The following BEGAIN variants were observed in gnomAD, a reference collection of about 807,000 sequenced individuals.
BEGAIN encodes brain-enriched guanylate kinase-associated protein.
In BEGAIN, 19 loss-of-function variants were observed where a neutral mutation model predicts 35.8. That is an observed-to-expected ratio of 0.53 (90% CI 0.37 to 0.78). BEGAIN has a LOEUF of 0.78. Among genes scored for constraint, BEGAIN ranks in the 30% least tolerant of loss-of-function variants. The pLI is 0.00. For synonymous variants in BEGAIN, 462 were observed against 388.6 expected (o/e 1.19, Z -2.22); for missense variants, 795 against 853.6 (o/e 0.93, Z 0.85).
At chr14:100,578,219 C>T (rs974202532) in intron 1 of BEGAIN, among the ~76,000 whole-genome samples, 3 of 152,246 alleles carry the variant, frequency 2.0e-5, no homozygotes, top group African/African-American at 7.2e-5. Context: ...TGGGCTCTGC[C>T]TGGGGAGGAG....
intron 1 of BEGAIN, among the ~76,000 whole-genome samples, chr14:100,574,001 G>A (rs1008474129): frequency 6.6e-6 from 1 of 152,126 alleles, no homozygotes; most frequent in African/African-American, 2.4e-5. Flanking sequence ...TTCGGGGGCT[G>A]TCTCAAGGAG....
At chr14:100,557,408 C>T (rs1295273915) in intron 2 of BEGAIN, among the ~76,000 whole-genome samples, 1 of 152,232 alleles carries the variant, frequency 6.6e-6, no homozygotes, top group Non-Finnish European at 1.5e-5. Context: ...GAGTCAGGTC[C>T]AGATCCCAGA....
At chr14:100,550,216 T>C (rs949051895) in intron 2 of BEGAIN, among the ~76,000 whole-genome samples, 3 of 151,814 alleles carry the variant, frequency 2.0e-5, no homozygotes, top group African/African-American at 7.3e-5. Context: ...TTCTGGCCAC[T>C]TGCAGGGGGT....
At chr14:100,582,993 C>T (rs2035353786) in intron 1 of BEGAIN, among the ~76,000 whole-genome samples, 1 of 151,116 alleles carries the variant, frequency 6.6e-6, no homozygotes, top group African/African-American at 2.4e-5. Flanking sequence ...TTCACCCATT[C>T]AACCAACCGT....
intron 1 of BEGAIN, among the ~76,000 whole-genome samples, chr14:100,580,083 T>A (rs866254075): frequency 5.9e-5 from 9 of 152,286 alleles, no homozygotes; most frequent in Middle Eastern, 3.4e-3. Context: ...GGCAGGCGGA[T>A]CACCTGAGGT....
chr14:100,585,998 C>A (rs1321987110), intron 1 of BEGAIN, among the ~76,000 whole-genome samples: 1 of 152,228 alleles, frequency 6.6e-6, no homozygotes, highest in African/African-American at 2.4e-5. Context: ...TAAGGGTTTG[C>A]AGGATGCTGC....
intron 2 of BEGAIN, among the ~76,000 whole-genome samples, chr14:100,555,529 G>A (rs917990345): frequency 6.6e-6 from 1 of 152,178 alleles, no homozygotes; most frequent in African/African-American, 2.4e-5. Flanking sequence ...TCAGACCCCC[G>A]AAAGGGAGGT....
At chr14:100,543,412 G>A (rs1217939663) in intron 5 of BEGAIN, among the ~76,000 whole-genome samples, 1 of 151,960 alleles carries the variant, frequency 6.6e-6, no homozygotes. Context: ...CAGGGTCTGT[G>A]GAGGGCAACT....
rs2034745364 is a variant in BEGAIN at position 100,567,053 on chromosome 14, G to A, written c.71+858C>T. ...CCTCCTCCCCAGGATGCCAATTCTG[G>A]CCTCGGGAGGGAGTGGCGAGGACGG... On this transcript the variant is annotated intron_variant, in intron 2 of 6. Transcript: ENST00000554140. The surrounding 1 kb of genome is among the most constrained non-coding windows in gnomAD (Gnocchi z 5.1). 6.6e-6 allele frequency among the ~76,000 whole-genome samples: 1 copy of A among 152,210 alleles called. No individual in the cohort carries two copies. The highest frequency in any genetic ancestry group is 1.5e-5 in the Non-Finnish European group (1 of 68,026).
chr14:100,545,087 G>A (rs1465348430), intron 3 of BEGAIN, 21 bp from the exon 4 acceptor site: 1 of 1,612,808 alleles, frequency 6.2e-7, no homozygotes, highest in South Asian at 1.1e-5. Context: ...AGGCAAGGGG[G>A]TCACTGCCAT....
intron 2 of BEGAIN, among the ~76,000 whole-genome samples, chr14:100,560,737 G>C (rs1261985429): frequency 6.6e-6 from 1 of 152,226 alleles, no homozygotes; most frequent in Non-Finnish European, 1.5e-5. Flanking sequence ...AAGTGGGGCT[G>C]AGAGGCCCAG....
chr14:100,564,190 C>T (rs1339299919), intron 2 of BEGAIN, among the ~76,000 whole-genome samples: 1 of 151,954 alleles, frequency 6.6e-6, no homozygotes, highest in Non-Finnish European at 1.5e-5. Flanking sequence ...AACTCCTTGA[C>T]ACAGGTGGTG....
intron 2 of BEGAIN, 30 bp from the exon 3 acceptor site, chr14:100,546,692 C>T: frequency 6.5e-7 from 1 of 1,535,396 alleles, no homozygotes; most frequent in Non-Finnish European, 8.7e-7. Context: ...GCGGGCCGGG[C>T]CGCGGCGCTG....
chr14:100,561,001 T>C (rs1011016061), intron 2 of BEGAIN, among the ~76,000 whole-genome samples: 2 of 151,098 alleles, frequency 1.3e-5, no homozygotes, highest in South Asian at 4.2e-4. Context: ...CCCAGAGGCC[T>C]CCAGCCCTCG....
In BEGAIN at chr14:100,539,207, C is replaced by T. The variant is rs749342655; in HGVS notation, c.601G>A (p.Val201Ile). The T allele has an allele frequency of 3.9e-5, 62 of 1,583,370 alleles. No homozygotes were observed. The highest frequency in any genetic ancestry group is 5.1e-5 in the Non-Finnish European group (59 of 1,163,834). ...GGCTTCTCCAGCACCTTGGCAATGA[C>T]GCAGGTGGGGACGCTGTCGGCGTAG... is the stretch of plus-strand genomic sequence containing the variant. ...PAYADSVPTC[V>I]IAKVLEKPDP... The change falls in exon 7 of 7, where the codon GTC becomes ATC. Residue 201 changes from valine to isoleucine, a missense_variant. Val to Ile is a conservative substitution (Grantham distance 29). Around this residue, in one of 3 missense-constraint regions of BEGAIN, gnomAD observed 664 missense variants for 647.7 expected, o/e 1.03. Transcript: ENST00000554140.
chr14:100,562,307 A>C lies in BEGAIN; in HGVS notation c.71+5604T>G, dbSNP rs568670421. On this transcript the variant is annotated intron_variant, in intron 2 of 6. Transcript: ENST00000554140. The stretch of plus-strand genomic sequence containing the variant: ...TCGGGGCCCAGACCACAATGCAATT[A>C]GTTCCCCACCCTCAATGAGCACCTA... 3.3e-5 allele frequency among the ~76,000 whole-genome samples: 5 copies of C among 152,218 alleles called. No homozygotes were observed. In the South Asian group the frequency reaches 1.0e-3, roughly 32 times the overall value.
chr14:100,575,265 GGACACAGGCT>G (rs1479476028), intron 1 of BEGAIN, among the ~76,000 whole-genome samples: 1 of 152,184 alleles, frequency 6.6e-6, no homozygotes, highest in African/African-American at 2.4e-5. Context: ...AGCATTCTGG[GGACACAGGCT>G]TGTCCAGGCC....
intron 1 of BEGAIN, among the ~76,000 whole-genome samples, chr14:100,579,172 C>A (rs2035266459): frequency 6.6e-6 from 1 of 152,182 alleles, no homozygotes. Flanking sequence ...GCTTCTGGTA[C>A]TTCTTTAACT....
intron 4 of BEGAIN, among the ~76,000 whole-genome samples, chr14:100,544,314 A>G (rs182817527): frequency 2.0e-3 from 310 of 152,276 alleles, no homozygotes; most frequent in Non-Finnish European, 3.0e-3. Flanking sequence ...TGGGAAACTG[A>G]GGCTCAGGAA....
Sources: gnomAD v4.1 joint callset for allele counts (sites outside exome capture counted in the v4.1 genomes callset) on GRCh38, gnomAD v4.1.1 for gene constraint, gnomAD v4.1.1 regional missense constraint, Gnocchi (gnomAD v3.1) non-coding constraint, MANE v1.5 for transcripts, NCBI Gene and HGNC (gene_info 2026-07-23, HGNC 2026-07-21) for gene names.